SH3KBP1: variants seen among roughly 807,000 people sequenced by gnomAD.
The protein encoded by SH3KBP1 is SH3 domain-containing kinase-binding protein 1.
Under a neutral mutation model 50.1 loss-of-function variants are expected in SH3KBP1, and 8 were observed. The ratio of observed to expected loss-of-function variants is 0.16; its 90% CI spans 0.09 to 0.29. SH3KBP1 has a LOEUF of 0.29. SH3KBP1 is among the 10% of genes least tolerant of loss of function. The pLI is 1.00. For missense variants in SH3KBP1, 377 were observed against 535.2 expected (o/e 0.70, Z 2.92); for synonymous variants, 227 against 218.6 (o/e 1.04, Z -0.34).
chrX:19,684,149 C>G (rs2063118103), intron 5 of SH3KBP1, 121 bp from the exon 6 acceptor site: 1 of 530,179 alleles, frequency 1.9e-6, no homozygotes, highest in Non-Finnish European at 3.1e-6. Context: ...ATAACTTGCA[C>G]TAGGCTTTTG....
intron 5 of SH3KBP1, among the ~76,000 whole-genome samples, chrX:19,691,447 T>TA (rs2063292428): frequency 9.6e-6 from 1 of 104,624 alleles, no homozygotes; most frequent in African/African-American, 3.5e-5. Flanking sequence ...TATATATATA[T>TA]TTTCAGGCTT....
At chrX:19,667,900 A>G (rs1271071592) in intron 6 of SH3KBP1, among the ~76,000 whole-genome samples, 3 of 104,551 alleles carry the variant, frequency 2.9e-5, no homozygotes, top group African/African-American at 7.1e-5. Context: ...TCGACCTTTA[A>G]CCTAGAAATT....
At chrX:19,808,233 G>A (rs1345498221) in intron 2 of SH3KBP1, among the ~76,000 whole-genome samples, 1 of 110,581 alleles carries the variant, frequency 9.0e-6, no homozygotes, top group Admixed American at 9.6e-5. Flanking sequence ...GAAGGTGTAG[G>A]CTTCACAACG....
chrX:19,849,821 T>C (rs2068459771), intron 1 of SH3KBP1, among the ~76,000 whole-genome samples: 1 of 111,943 alleles, frequency 8.9e-6, no homozygotes, highest in African/African-American at 3.2e-5. Context: ...CTTAAATGTC[T>C]GATGATAAGG....
chrX:19,572,297 TTA>T (rs1466099238), intron 12 of SH3KBP1, among the ~76,000 whole-genome samples: 4 of 106,638 alleles, frequency 3.8e-5, no homozygotes, highest in South Asian at 3.8e-4. Flanking sequence ...GTCATATATG[TTA>T]TATATAGTAC....
At chrX:19,717,791 G>T (rs6654070) in intron 3 of SH3KBP1, among the ~76,000 whole-genome samples, 147 of 111,128 alleles carry the variant, frequency 1.3e-3, no homozygotes, top group African/African-American at 4.7e-3. Flanking sequence ...CAAACGTATG[G>T]CCCCCTGTGA....
intron 2 of SH3KBP1, chrX:19,747,514 T>G: frequency 3.7e-6 from 1 of 272,871 alleles, no homozygotes; most frequent in African/African-American, 2.8e-5. Context: ...GGGGATGGGC[T>G]CCCCGCTGGA....
chrX:19,828,694 G>A (rs889908743), intron 2 of SH3KBP1, among the ~76,000 whole-genome samples: 13 of 111,602 alleles, frequency 1.2e-4, no homozygotes, highest in African/African-American at 4.2e-4. Flanking sequence ...TGTGGCAAGA[G>A]GATCACTTGA....
chrX:19,861,177 C>G (rs1210247863), intron 1 of SH3KBP1, among the ~76,000 whole-genome samples: 2 of 110,152 alleles, frequency 1.8e-5, no homozygotes, highest in Non-Finnish European at 3.8e-5. Context: ...GAGATCGAGA[C>G]CATCCTGGTT....
At chrX:19,859,152 ATT>A (rs200300452) in intron 1 of SH3KBP1, among the ~76,000 whole-genome samples, 5 of 102,542 alleles carry the variant, frequency 4.9e-5, no homozygotes, top group African/African-American at 1.1e-4. Context: ...TGAAATTACT[ATT>A]TTTTTTTTTT....
chrX:19,657,411 A>G (rs1029942297), intron 6 of SH3KBP1, among the ~76,000 whole-genome samples: 14 of 107,436 alleles, frequency 1.3e-4, no homozygotes, highest in Non-Finnish European at 2.3e-4. Context: ...TAGGGCATAC[A>G]ATCGAATATT....
Position 19,887,467 on chromosome X carries a change from G to GGCCGGCTTCTTC in SH3KBP1, c.-158_-157insGAAGAAGCCGGC. 5.7e-6 allele frequency: 2 copies of GGCCGGCTTCTTC among 352,059 alleles called. No homozygotes were observed. The highest frequency in any genetic ancestry group is 8.9e-6 in the Non-Finnish European group (2 of 225,690). The allele number at this position is 352,059 out of a possible 1,213,427, so 29.0% of individuals were successfully genotyped here. On this transcript the variant is annotated 5_prime_UTR_variant, in exon 1 of 18. Coordinates refer to ENST00000397821, the MANE Select transcript of SH3KBP1 (RefSeq NM_031892.3). ...TTCTTCCTCAGTGGCGGCGGCGGCG[G>GGCCGGCTTCTTC]CTCAGCGCCGCCCGCTGCTGCCTCT... is the stretch of plus-strand genomic sequence containing the variant.
intron 6 of SH3KBP1, among the ~76,000 whole-genome samples, chrX:19,666,072 C>T (rs972842388): frequency 9.4e-6 from 1 of 106,793 alleles, no homozygotes; most frequent in African/African-American, 3.4e-5. Flanking sequence ...TAGTACACTC[C>T]ACTAAAGGCT....
intron 2 of SH3KBP1, among the ~76,000 whole-genome samples, chrX:19,807,136 T>C (rs2067071087): frequency 8.9e-6 from 1 of 112,373 alleles, no homozygotes; most frequent in African/African-American, 3.2e-5. Context: ...AATGATGCAG[T>C]ATCTACTCAC....
At chrX:19,830,345 A>C (rs999854870) in intron 2 of SH3KBP1, among the ~76,000 whole-genome samples, 5 of 110,572 alleles carry the variant, frequency 4.5e-5, no homozygotes, top group Non-Finnish European at 7.6e-5. Context: ...GTAGAAACAA[A>C]AAAAAAAAAA....
intron 6 of SH3KBP1, among the ~76,000 whole-genome samples, chrX:19,674,323 C>T (rs768027392): frequency 8.1e-5 from 9 of 111,701 alleles, no homozygotes; most frequent in Non-Finnish European, 1.5e-4. Flanking sequence ...CTAGACATGC[C>T]ATTTAGCCAA....
chrX:19,838,765 T>C (rs1005972640), intron 1 of SH3KBP1, among the ~76,000 whole-genome samples: 1 of 108,183 alleles, frequency 9.2e-6, no homozygotes, highest in Admixed American at 1.0e-4. Flanking sequence ...TGGGTGCTTG[T>C]AATCCCAGCT....
intron 2 of SH3KBP1, among the ~76,000 whole-genome samples, chrX:19,791,827 T>C (rs1009184643): frequency 2.7e-5 from 3 of 111,431 alleles, no homozygotes; most frequent in Admixed American, 9.6e-5. Context: ...TTCTTATTAG[T>C]CATCGTTCAA....
At chrX:19,555,203 A>T (rs1039504067) in intron 13 of SH3KBP1, among the ~76,000 whole-genome samples, 7 of 112,643 alleles carry the variant, frequency 6.2e-5, no homozygotes. Context: ...AGTTAGTTTC[A>T]TAAGGACGAG....
Sources: allele counts gnomAD v4.1 joint callset (sites outside exome capture counted in the v4.1 genomes callset), GRCh38; gene constraint gnomAD v4.1.1; transcripts MANE v1.5; gene names NCBI Gene and HGNC (gene_info 2026-07-23, HGNC 2026-07-21).